Variants in ATP11C observed in about 807,000 individuals in gnomAD.
The protein encoded by ATP11C is phospholipid-transporting ATPase IG.
A neutral mutation model predicts 97.4 loss-of-function variants in ATP11C; 36 were observed. The observed-to-expected ratio is 0.37, with a 90% CI of 0.28 to 0.49. The LOEUF (loss-of-function observed/expected upper bound fraction) is 0.49, where lower values mean the gene tolerates loss of function less well. Among genes scored for constraint, ATP11C ranks in the 20% least tolerant of loss-of-function variants. The pLI is 0.98. For missense variants in ATP11C, 730 were observed against 824.6 expected, an observed-to-expected ratio of 0.89 and a Z score of 1.40; for synonymous variants, 275 against 290.9, an observed-to-expected ratio of 0.95 and a Z score of 0.56.
rs764999127 is a variant in ATP11C, at chrX:139,768,571, AAAG to A, written c.2217-140_2217-138del. On this transcript the variant is annotated intron_variant, in intron 19 of 29. Coordinates refer to ENST00000682941, the MANE Select transcript of ATP11C (RefSeq NM_001353812.2). ...TCTGGTTCCTCAACCTGTTCACTCTAAAGAAGCAACTGCCTCTAATAATGGCAC... is the reference window on the plus strand; with the variant it reads ...TCTGGTTCCTCAACCTGTTCACTCTAAAGCAACTGCCTCTAATAATGGCAC... 2.6e-3 allele frequency: 879 copies of A among 343,138 alleles called. 1 individual carries two copies. The highest frequency in any genetic ancestry group is 3.9e-3 in the Non-Finnish European group (809 of 209,205). 28.3% of individuals were successfully genotyped at this position (343,138 alleles called of 1,213,427 possible).
rs1355510557 is a variant in ATP11C at position 139,783,161 on chromosome X, C to T, written c.1770+3G>A. ...ATTGGTGGGGGAAGGAGTATAGGCT[C>T]ACCATTGCATTACGTTCCACATGGA... On this transcript the variant is annotated splice_donor_region_variant and intron_variant, in intron 17 of 29. Transcript: ENST00000682941. 12 of 1,181,428 alleles carry T rather than the reference C, an allele frequency of 1.0e-5. No individual in the cohort carries two copies. Among genetic ancestry groups the T allele is most frequent in the Non-Finnish European group, 1.4e-5 (12 of 870,306 alleles).
rs369459774 is a variant in ATP11C, at chrX:139,726,385, A to T, written c.*2581T>A. The T allele has an allele frequency of 1.6e-4, 18 of 112,711 alleles. No homozygotes were observed. In the East Asian group the frequency reaches 4.5e-3, roughly 28 times the overall value. 9.3% of individuals were successfully genotyped at this position (112,711 alleles called of 1,213,427 possible). ...TACCAAAGTTTATTGATTACATCAA[A>T]CAAAAATTTCTGTAATGGAAAAGGC... is the stretch of plus-strand genomic sequence containing the variant. On this transcript the variant is annotated 3_prime_UTR_variant, in exon 30 of 30. Coordinates refer to ENST00000682941, the MANE Select transcript of ATP11C (RefSeq NM_001353812.2).
At chrX:139,865,769 AT>A (rs750238032) in intron 1 of ATP11C, among the ~76,000 whole-genome samples, 3 of 111,062 alleles carry the variant, frequency 2.7e-5, no homozygotes, top group Non-Finnish European at 3.8e-5. Flanking sequence ...CCCAAAAAAA[AT>A]AAATAAATAA....
chrX:139,738,165 T>C, intron 27 of ATP11C, 96 bp from the exon 28 acceptor site: 1 of 710,002 alleles, frequency 1.4e-6, no homozygotes, highest in East Asian at 3.6e-5. Context: ...TTAAAAAGAA[T>C]CTTCCTTACA....
intron 24 of ATP11C, among the ~76,000 whole-genome samples, chrX:139,747,519 G>C (rs1478045555): frequency 9.0e-6 from 1 of 111,476 alleles, no homozygotes; most frequent in East Asian, 2.8e-4. Flanking sequence ...TAGGCAGCAG[G>C]TATACCAGAA....
chrX:139,763,238 C>G (rs1039464292), intron 21 of ATP11C, 78 bp downstream of exon 21: 11 of 787,742 alleles, frequency 1.4e-5, no homozygotes, highest in Non-Finnish European at 2.1e-5. Context: ...AAAACAGTCA[C>G]TCTAGAATGT....
intron 1 of ATP11C, among the ~76,000 whole-genome samples, chrX:139,882,733 A>G (rs2084580235): frequency 9.0e-6 from 1 of 111,435 alleles, no homozygotes; most frequent in African/African-American, 3.3e-5. Flanking sequence ...TTCCACATGC[A>G]TTTTCCCCTA....
intron 1 of ATP11C, among the ~76,000 whole-genome samples, chrX:139,850,543 T>G (rs1160727976): frequency 9.0e-6 from 1 of 111,593 alleles, no homozygotes; most frequent in Non-Finnish European, 1.9e-5. Flanking sequence ...AAAGGAGCTG[T>G]GTGGCTATTT....
chrX:139,889,497 T>G (rs1475476288), intron 1 of ATP11C, among the ~76,000 whole-genome samples: 2 of 111,946 alleles, frequency 1.8e-5, no homozygotes, highest in African/African-American at 3.3e-5. Context: ...TCAGTGGTGA[T>G]TACAATTTAT....
intron 1 of ATP11C, among the ~76,000 whole-genome samples, chrX:139,844,887 T>C (rs1203233043): frequency 8.9e-6 from 1 of 112,014 alleles, no homozygotes; most frequent in African/African-American, 3.3e-5. Flanking sequence ...AAGGTTCCTG[T>C]GGTTATCTAA....
At chrX:139,925,665 A>G (rs2085340530) in intron 1 of ATP11C, among the ~76,000 whole-genome samples, 1 of 112,139 alleles carries the variant, frequency 8.9e-6, no homozygotes, top group Non-Finnish European at 1.9e-5. Context: ...ATACCTTGGT[A>G]AAGAGAAAGG....
At chrX:139,805,317 T>C (rs1426602543) in intron 5 of ATP11C, among the ~76,000 whole-genome samples, 1 of 111,723 alleles carries the variant, frequency 9.0e-6, no homozygotes, top group Non-Finnish European at 1.9e-5. Flanking sequence ...TTGGACTCTT[T>C]AACCTGACTT....
intron 1 of ATP11C, among the ~76,000 whole-genome samples, chrX:139,868,911 A>C (rs2084326886): frequency 9.0e-6 from 1 of 111,712 alleles, no homozygotes; most frequent in African/African-American, 3.3e-5. Context: ...TCAAAACCAT[A>C]ATGAGGTATC....
At chrX:139,747,347 A>AT (rs1913048312) in intron 24 of ATP11C, among the ~76,000 whole-genome samples, 1 of 111,648 alleles carries the variant, frequency 9.0e-6, no homozygotes, top group Non-Finnish European at 1.9e-5. Flanking sequence ...CAGGAGCAGC[A>AT]TGATATGTTG....
In ATP11C at chrX:139,750,118, T is replaced by C. The variant is rs2081780488; in HGVS notation, c.2735A>G (p.Asn912Ser). The stretch of plus-strand genomic sequence containing the variant: ...GATGGGCAAGGATGTGAAGCAGATA[T>C]TGTACATTGTAAGGTAAGCAGCATC... ...LYDAAYLTMY[N>S]ICFTSLPILA... Residue 912 changes from asparagine (N) to serine (S), a missense_variant, in exon 24 of 30, where the codon AAT becomes AGT. Physicochemically the swap from Asn to Ser is conservative, Grantham distance 46 (BLOSUM62 1). Transcript: ENST00000682941. The C allele has an allele frequency of 3.3e-6, 4 of 1,200,882 alleles. No individual in the cohort carries two copies. The highest frequency in any genetic ancestry group is 3.0e-5 in the East Asian group (1 of 33,697).
In ATP11C at chrX:139,905,884, T is replaced by A. The variant is rs776997682; in HGVS notation, c.27+26132A>T. 7.2e-5 allele frequency among the ~76,000 whole-genome samples: 8 copies of A among 111,704 alleles called. No individual in the cohort carries two copies. The South Asian group carries it at 1.5e-3, about 21-fold the overall frequency. Reference sequence around the variant, plus strand: ...ATGAAAATACTTCCACTCTTTCATGTCACCACATCCTTAAACCGCACTGAC... The same window carrying A: ...ATGAAAATACTTCCACTCTTTCATGACACCACATCCTTAAACCGCACTGAC... On this transcript the variant is annotated intron_variant, in intron 1 of 29. Transcript: ENST00000682941.
At chrX:139,843,615 T>C (rs2083866468) in intron 1 of ATP11C, among the ~76,000 whole-genome samples, 2 of 111,449 alleles carry the variant, frequency 1.8e-5, no homozygotes, top group Non-Finnish European at 3.8e-5. Context: ...GTACAAGGGA[T>C]GATGAAGAAC....
intron 1 of ATP11C, among the ~76,000 whole-genome samples, chrX:139,879,478 A>G (rs945854040): frequency 1.5e-4 from 17 of 111,586 alleles, no homozygotes; most frequent in African/African-American, 5.5e-4. Flanking sequence ...AGAAAAGCTG[A>G]ATCCCAGAAA....
Position 139,768,416 on chromosome X carries a change from CT to C in ATP11C, c.2234del (p.Gln745ArgfsTer5). 8.9e-7 allele frequency: 1 copy of C among 1,125,031 alleles called. No individual in the cohort carries two copies. Among genetic ancestry groups the C allele is most frequent in the Non-Finnish European group, 1.2e-6 (1 of 846,392 alleles). 92.7% of individuals were successfully genotyped at this position (1,125,031 alleles called of 1,213,427 possible). On this transcript the variant is annotated frameshift_variant, in exon 20 of 30. Transcript: ENST00000682941. LOFTEE classifies it high-confidence loss of function. ...AGCCATCTATGATTAATCCATATTC[CT>C]GATGTTCTGTCCATGCTCTGAAAAA... ...RSFKKAWTEHQEYGLIIDGST... is the reference protein window; with the variant it reads ...RSFKKAWTEHXEYGLIIDGST...
Sources: allele counts gnomAD v4.1 joint callset (sites outside exome capture counted in the v4.1 genomes callset), GRCh38; gene constraint gnomAD v4.1.1; transcripts MANE v1.5; gene names NCBI Gene and HGNC (gene_info 2026-07-23, HGNC 2026-07-21).